The following TAFA2 variants were observed in gnomAD, a reference collection of about 807,000 sequenced individuals.
The protein encoded by TAFA2 is chemokine-like protein TAFA-2.
TAFA2 carries 7 observed loss-of-function variants against 18.8 expected under a neutral mutation model. The observed-to-expected ratio is 0.37, with a 90% confidence interval of 0.21 to 0.70. TAFA2 has a LOEUF of 0.70. TAFA2 is among the 30% of genes least tolerant of loss of function. TAFA2 has a pLI of 0.53. For missense variants in TAFA2, 122 were observed against 158.1 expected, an observed-to-expected ratio of 0.77 and a Z score of 1.23; for synonymous variants, 60 against 54.2, an observed-to-expected ratio of 1.11 and a Z score of -0.47.
intron 1 of TAFA2, among the ~76,000 whole-genome samples, chr12:61,999,665 G>A (rs1880315919): frequency 6.6e-6 from 1 of 152,164 alleles, no homozygotes; most frequent in Non-Finnish European, 1.5e-5. Context: ...GTATGCTGAA[G>A]CGAATACTAG....
At chr12:62,258,877 T>C (rs1460698291), upstream of TAFA2, 1 of 192,160 alleles carries the variant, frequency 5.2e-6, no homozygotes, top group African/African-American at 2.4e-5. Context: ...TTTTAGAGGG[T>C]AGCCGTGGTT....
rs145751037 is a variant in TAFA2, at chr12:62,217,958, T to TTATG, written c.-130+40801_-130+40804dup. On this transcript the variant is annotated intron_variant, in intron 1 of 5. Coordinates refer to the TAFA2 transcript ENST00000551619. ...TAATGCTGATTGAATTTATCTATTT[T>TTATG]TATGTATGTATTTATTTATTTATTT... Among the ~76,000 whole-genome samples the TTATG allele has an allele frequency of 3.5e-3, 511 of 146,304 alleles. 3 individuals are homozygous for TTATG. The highest frequency in any genetic ancestry group is 0.024 in the Middle Eastern group (7 of 288).
upstream of TAFA2, among the ~76,000 whole-genome samples, chr12:62,194,172 C>T (rs1034589588): frequency 1.3e-5 from 2 of 152,074 alleles, no homozygotes; most frequent in Non-Finnish European, 2.9e-5. Context: ...CACTGCAAAT[C>T]TTACAGTATT....
At chr12:61,834,349 T>C (rs1414720795) in intron 2 of TAFA2, among the ~76,000 whole-genome samples, 1 of 152,074 alleles carries the variant, frequency 6.6e-6, no homozygotes, top group Non-Finnish European at 1.5e-5. Flanking sequence ...CTGTCTGCTG[T>C]TGCCACTTGC....
chr12:61,954,842 A>C (rs182033335), intron 1 of TAFA2, among the ~76,000 whole-genome samples: 2 of 152,322 alleles, frequency 1.3e-5, no homozygotes, highest in Non-Finnish European at 2.9e-5. Context: ...ATTAACACAG[A>C]TACTTCGACT....
intron 1 of TAFA2, among the ~76,000 whole-genome samples, chr12:62,120,374 T>C (rs963366519): frequency 6.6e-6 from 1 of 152,232 alleles, no homozygotes; most frequent in African/African-American, 2.4e-5. Flanking sequence ...AAAGATTCCA[T>C]TTAGTAATTT....
rs568828826 is a variant in TAFA2, at chr12:62,123,000, T to A, written c.-2+68259A>T. 2.1e-4 allele frequency among the ~76,000 whole-genome samples: 32 copies of A among 152,264 alleles called. No individual in the cohort carries two copies. In the South Asian group the frequency reaches 6.4e-3, roughly 31 times the overall value. ...TCTAGCTCATATCACCCTTGAAGCT[T>A]TTCTAGGCTCTTCCAGCTACAGGTA... is the stretch of plus-strand genomic sequence containing the variant. On this transcript the variant is annotated intron_variant, in intron 1 of 4. Transcript: ENST00000416284.
At chr12:62,140,285 T>A (rs1223607582) in intron 1 of TAFA2, 1 of 152,204 alleles carries the variant, frequency 6.6e-6, no homozygotes, top group Non-Finnish European at 1.5e-5. Flanking sequence ...CTTTAAAGAA[T>A]GTTTTGGTAG....
intron 1 of TAFA2, among the ~76,000 whole-genome samples, chr12:62,028,387 C>A (rs1881364458): frequency 6.6e-6 from 1 of 152,096 alleles, no homozygotes. Flanking sequence ...TTATCCTTTG[C>A]ACTTCTCTCT....
chr12:62,142,730 A>C (rs1197278205), intron 1 of TAFA2, among the ~76,000 whole-genome samples: 1 of 152,038 alleles, frequency 6.6e-6, no homozygotes, highest in East Asian at 1.9e-4. Context: ...AATTATGAGA[A>C]TCCTCTTTAA....
rs1000772767 is a variant in TAFA2, at chr12:61,770,373, A to G, written c.107-15349T>C. On this transcript the variant is annotated intron_variant, in intron 2 of 4. Transcript: ENST00000416284. ...CTAGAGATCTAGACATCCAAATACA[A>G]GAAGCTCAAAGTACACCTGGGAAAT... Among the ~76,000 whole-genome samples the G allele has an allele frequency of 5.3e-5, 8 of 152,236 alleles. No individual in the cohort carries two copies. In the South Asian group the frequency reaches 6.2e-4, roughly 12 times the overall value.
At chr12:62,172,619 T>C (rs1471776051) in intron 1 of TAFA2, among the ~76,000 whole-genome samples, 1 of 152,220 alleles carries the variant, frequency 6.6e-6, no homozygotes, top group African/African-American at 2.4e-5. Flanking sequence ...TCAGTAACAC[T>C]GTAGCCAACT....
At chr12:61,937,741 C>T (rs963739574) in intron 1 of TAFA2, among the ~76,000 whole-genome samples, 1 of 151,968 alleles carries the variant, frequency 6.6e-6, no homozygotes, top group Non-Finnish European at 1.5e-5. Context: ...TGGACGTTGG[C>T]CTAAGCAAAT....
At chr12:62,013,331 CAG>C (rs1565716042) in intron 1 of TAFA2, among the ~76,000 whole-genome samples, 1 of 152,134 alleles carries the variant, frequency 6.6e-6, no homozygotes, top group East Asian at 1.9e-4. Context: ...CAGCACATAA[CAG>C]GTTTGAACTA....
chr12:62,009,312 AG>A (rs1300029536), intron 1 of TAFA2, among the ~76,000 whole-genome samples: 1 of 152,192 alleles, frequency 6.6e-6, no homozygotes, highest in Admixed American at 6.5e-5. Flanking sequence ...TATTGGTTCC[AG>A]TAACAGCAGA....
intron 1 of TAFA2, among the ~76,000 whole-genome samples, chr12:62,161,494 C>T (rs1318778577): frequency 6.6e-6 from 1 of 152,102 alleles, no homozygotes; most frequent in Admixed American, 6.6e-5. Flanking sequence ...GGGAGCTAAA[C>T]AATGTGTACA....
chr12:62,218,136 C>T (rs948661967), intron 1 of TAFA2, among the ~76,000 whole-genome samples: 4 of 151,950 alleles, frequency 2.6e-5, no homozygotes, highest in African/African-American at 9.7e-5. Flanking sequence ...GCTGGGACTA[C>T]AGGCACGCAC....
At chr12:61,971,444 A>T (rs535758828) in intron 1 of TAFA2, among the ~76,000 whole-genome samples, 4 of 151,914 alleles carry the variant, frequency 2.6e-5, no homozygotes, top group Admixed American at 2.6e-4. Context: ...ATATGTAACA[A>T]ATCTGCACGT....
At chr12:61,836,756 T>TATATATATATATATATATAC (rs68158949) in intron 2 of TAFA2, among the ~76,000 whole-genome samples, 2,542 of 119,314 alleles carry the variant, frequency 0.021, 72 homozygotes, top group Middle Eastern at 0.043. Context: ...TATATATATA[T>TATATATATATATATATATAC]ACACACACAC....
Sources: allele counts gnomAD v4.1 joint callset (sites outside exome capture counted in the v4.1 genomes callset), GRCh38; gene constraint gnomAD v4.1.1; transcripts MANE v1.5; gene names NCBI Gene and HGNC (gene_info 2026-07-23, HGNC 2026-07-21).